TNIK: variants seen among roughly 807,000 people sequenced by gnomAD.
TNIK encodes TRAF2 and NCK interacting kinase.
Under a neutral mutation model 191.3 loss-of-function variants are expected in TNIK, and 49 were observed. The observed-to-expected ratio is 0.26, with a 90% CI of 0.20 to 0.32. The LOEUF is 0.32. Ranked by LOEUF, TNIK falls within the 10% of genes least tolerant of loss-of-function variation. The pLI is 1.00. For missense variants in TNIK, 1,155 were observed against 1,702.3 expected, an observed-to-expected ratio of 0.68 and a Z score of 5.66; for synonymous variants, 594 against 600.9, an observed-to-expected ratio of 0.99 and a Z score of 0.17.
At chr3:171,351,269 A>G (rs867015306) in intron 2 of TNIK, among the ~76,000 whole-genome samples, 27 of 147,054 alleles carry the variant, frequency 1.8e-4, no homozygotes, top group Middle Eastern at 3.4e-3. Context: ...ATATATGTAT[A>G]TATGTGTGTG....
At chr3:171,277,636 C>T (rs1243249694) in intron 2 of TNIK, among the ~76,000 whole-genome samples, 1 of 152,162 alleles carries the variant, frequency 6.6e-6, no homozygotes, top group East Asian at 1.9e-4. Context: ...AAACCCTGCT[C>T]AGTGCCTGTT....
At chr3:171,440,047 T>C (rs769687626) in intron 1 of TNIK, among the ~76,000 whole-genome samples, 7 of 152,104 alleles carry the variant, frequency 4.6e-5, no homozygotes, top group Non-Finnish European at 1.0e-4. Context: ...GTGTCCATGA[T>C]TTTTCTCTCC....
chr3:171,440,120 G>A (rs574529921), intron 1 of TNIK, among the ~76,000 whole-genome samples: 70 of 152,236 alleles, frequency 4.6e-4, no homozygotes, highest in Middle Eastern at 3.4e-3. Context: ...GATTACTGGA[G>A]CTGAGCCTCC....
intron 7 of TNIK, among the ~76,000 whole-genome samples, chr3:171,187,251 T>G (rs1372759586): frequency 1.3e-5 from 2 of 152,188 alleles, no homozygotes; most frequent in African/African-American, 4.8e-5. Flanking sequence ...CTGAAGGGAT[T>G]TGCAAACAGA....
chr3:171,087,806 A>G (rs1157866610), intron 23 of TNIK, among the ~76,000 whole-genome samples: 2 of 152,244 alleles, frequency 1.3e-5, no homozygotes, highest in African/African-American at 4.8e-5. Context: ...GGGACTGAGC[A>G]GGGCCCACAC....
Position 171,369,683 on chromosome 3 carries a change from G to A in TNIK, c.60C>T (p.Asp20=). The change falls in exon 2 of 33, where the codon GAC becomes GAT. Residue 20 remains aspartate (D), a splice_region_variant and synonymous_variant. Coordinates refer to ENST00000436636, the MANE Select transcript of TNIK (RefSeq NM_015028.4). ...CCACCAATTCAAAGATCCCTGCGGG[G>A]TCCTGAAAGAAAATAAACAAACAAT... ...LDEIDLSALR[D]PAGIFELVEL... 6.4e-7 allele frequency: 1 copy of A among 1,560,576 alleles called. No individual in the cohort carries two copies. The highest frequency in any genetic ancestry group is 8.7e-7 in the Non-Finnish European group (1 of 1,150,994).
intron 27 of TNIK, among the ~76,000 whole-genome samples, chr3:171,081,773 C>T (rs1184817282): frequency 6.6e-6 from 1 of 151,042 alleles, no homozygotes; most frequent in Non-Finnish European, 1.5e-5. Flanking sequence ...TTCCCACACT[C>T]AAATCTTTTT....
Position 171,061,446 on chromosome 3 carries a change from T to A in TNIK, c.*2435A>T, listed in dbSNP as rs1316698460. ...AGACTGCATTAATATTGTTTTCTTATGATTTGTTTCAATGACTCTAGATTT... is the reference window on the plus strand; with the variant it reads ...AGACTGCATTAATATTGTTTTCTTAAGATTTGTTTCAATGACTCTAGATTT... On this transcript the variant is annotated 3_prime_UTR_variant, in exon 33 of 33. Transcript: ENST00000436636. The A allele has an allele frequency of 6.6e-6, 1 of 152,230 alleles. No individual in the cohort carries two copies. Among genetic ancestry groups the A allele is most frequent in the Non-Finnish European group, 1.5e-5 (1 of 68,034 alleles). 9.4% of individuals were successfully genotyped at this position (152,230 alleles called of 1,614,324 possible).
chr3:171,459,278 G>C (rs1454682633), intron 1 of TNIK, among the ~76,000 whole-genome samples: 1 of 151,328 alleles, frequency 6.6e-6, no homozygotes. Context: ...GTCTGATTGA[G>C]GAAAAGCAGA....
At chr3:171,368,941 G>GTT (rs5854417) in intron 2 of TNIK, among the ~76,000 whole-genome samples, 3,386 of 146,742 alleles carry the variant, frequency 0.023, 109 homozygotes, top group African/African-American at 0.075. Flanking sequence ...CATTTTTTTT[G>GTT]TTTTTTTTTT....
intron 1 of TNIK, among the ~76,000 whole-genome samples, chr3:171,409,605 A>G (rs1028669592): frequency 1.3e-5 from 2 of 151,786 alleles, no homozygotes; most frequent in African/African-American, 4.8e-5. Flanking sequence ...TAAACAGACC[A>G]AAACAAGGCC....
intron 7 of TNIK, among the ~76,000 whole-genome samples, chr3:171,180,890 C>A (rs1294971329): frequency 6.6e-6 from 1 of 152,320 alleles, no homozygotes; most frequent in South Asian, 2.1e-4. Context: ...CCATAGGTGA[C>A]TGAAGGTGCT....
chr3:171,248,229 A>C (rs189053393), intron 2 of TNIK, among the ~76,000 whole-genome samples: 44 of 152,310 alleles, frequency 2.9e-4, no homozygotes, highest in African/African-American at 1.0e-3. Context: ...TCACCTGTGG[A>C]GAACAATGAA....
rs1735831386 is a variant in TNIK, at chr3:171,175,317, C to T, written c.708G>A (p.Met236Ile). The change falls in exon 9 of 33, where the codon ATG becomes ATA. Residue 236 changes from methionine to isoleucine, a missense_variant. Physicochemically the swap from Met to Ile is conservative, Grantham distance 10. This residue lies in a region of TNIK where 225 missense variants were observed against 438.9 expected (regional missense o/e 0.51). Transcript: ENST00000436636. ...MAEGAPPLCDMHPMRALFLIP... is the reference protein window; with the variant it reads ...MAEGAPPLCDIHPMRALFLIP... Reference sequence around the variant, plus strand: ...TGAGGAAGAGAGCTCTCATGGGGTGCATGTCACAGAGAGCTGCAAGAGACC... The same window carrying T: ...TGAGGAAGAGAGCTCTCATGGGGTGTATGTCACAGAGAGCTGCAAGAGACC... 6.2e-7 allele frequency: 1 copy of T among 1,610,190 alleles called. No homozygotes were observed. Among genetic ancestry groups the T allele is most frequent in the Admixed American group, 1.7e-5 (1 of 59,610 alleles).
chr3:171,272,268 G>T (rs936853852), intron 2 of TNIK, among the ~76,000 whole-genome samples: 2 of 152,238 alleles, frequency 1.3e-5, no homozygotes, highest in African/African-American at 4.8e-5. Flanking sequence ...GCAGGGCAAG[G>T]TGTGGGTACC....
Position 171,277,688 on chromosome 3 carries a change from G to T in TNIK, c.124-49467C>A, listed in dbSNP as rs1389706125. Among the ~76,000 whole-genome samples, 10 of 150,036 alleles carry T rather than the reference G, an allele frequency of 6.7e-5. No homozygotes were observed. The Admixed American group carries it at 6.7e-4, about 10-fold the overall frequency. On this transcript the variant is annotated intron_variant, in intron 2 of 32. Transcript: ENST00000436636. The stretch of plus-strand genomic sequence containing the variant: ...TAATGGAACACAGTCACACACATTT[G>T]TTCACATATTGTGTAAGTCTGCTTT...
chr3:171,101,787 ATGT>A (rs1442421434), intron 21 of TNIK, 154 bp from the exon 22 acceptor site: 8 of 706,544 alleles, frequency 1.1e-5, no homozygotes, highest in Non-Finnish European at 1.8e-5. Context: ...TAAGAAAATG[ATGT>A]TTGTAGCGTG....
intron 1 of TNIK, among the ~76,000 whole-genome samples, chr3:171,438,604 T>C (rs1353822912): frequency 6.6e-6 from 1 of 152,206 alleles, no homozygotes; most frequent in African/African-American, 2.4e-5. Context: ...TGTGGACAAA[T>C]CATTCTGAAG....
chr3:171,380,968 C>T (rs2108519335), intron 1 of TNIK, among the ~76,000 whole-genome samples: 1 of 152,348 alleles, frequency 6.6e-6, no homozygotes, highest in South Asian at 2.1e-4. Context: ...TAGTCCATCA[C>T]TTGGTGTCAC....
Sources: gnomAD v4.1 joint callset for allele counts (sites outside exome capture counted in the v4.1 genomes callset) on GRCh38, gnomAD v4.1.1 for gene constraint, gnomAD v4.1.1 regional missense constraint, MANE v1.5 for transcripts, NCBI Gene and HGNC (gene_info 2026-07-23, HGNC 2026-07-21) for gene names.